PRELID2: variants seen among roughly 807,000 people sequenced by gnomAD.
PRELID2 encodes the protein PRELI domain-containing protein 2.
In PRELID2, 25 loss-of-function variants were observed where a neutral mutation model predicts 28.4. That is an observed-to-expected ratio of 0.88 (90% CI 0.64 to 1.23). PRELID2 has a LOEUF of 1.23. PRELID2 is among the 50% of genes most tolerant of loss of function. The pLI, the probability that PRELID2 is intolerant of heterozygous loss-of-function variation, is 0.00. For synonymous variants in PRELID2, 76 were observed against 71.6 expected, an observed-to-expected ratio of 1.06 and a Z score of -0.31; for missense variants, 201 against 214.4, an observed-to-expected ratio of 0.94 and a Z score of 0.39.
At chr5:145,370,590 G>C in the PRELID2 span, among the ~76,000 whole-genome samples, 1 of 152,028 alleles carries the variant, frequency 6.6e-6, no homozygotes, top group Non-Finnish European at 1.5e-5. Context: ...TCTTAGAATT[G>C]TCTTGGCTAT....
chr5:145,645,206 G>C (rs1754176133), intron 1 of PRELID2, among the ~76,000 whole-genome samples: 1 of 151,992 alleles, frequency 6.6e-6, no homozygotes, highest in Non-Finnish European at 1.5e-5. Context: ...CACCTCTATT[G>C]GGTGCATATA....
chr5:145,430,288 T>A, the PRELID2 span, among the ~76,000 whole-genome samples: 3 of 152,226 alleles, frequency 2.0e-5, no homozygotes, highest in Non-Finnish European at 4.4e-5. Context: ...TCTTTTGGTA[T>A]TTGTCAGAAT....
the PRELID2 span, among the ~76,000 whole-genome samples, chr5:145,282,474 C>A: frequency 6.6e-5 from 10 of 151,668 alleles, no homozygotes; most frequent in African/African-American, 2.2e-4. Flanking sequence ...GATACAGAAG[C>A]CAAACTGTAA....
At chr5:145,814,292 G>C (rs1163494997) in intron 4 of PRELID2, among the ~76,000 whole-genome samples, 1 of 152,166 alleles carries the variant, frequency 6.6e-6, no homozygotes, top group Non-Finnish European at 1.5e-5. Flanking sequence ...ACACGAAGTA[G>C]ATGAAATGAT....
At chr5:145,735,763 C>T (rs1366413846) in intron 1 of PRELID2, among the ~76,000 whole-genome samples, 6 of 152,142 alleles carry the variant, frequency 3.9e-5, no homozygotes, top group Non-Finnish European at 8.8e-5. Flanking sequence ...CATCTTCACA[C>T]GGTTGCTTTG....
chr5:145,709,034 C>T (rs1755620412), intron 1 of PRELID2, among the ~76,000 whole-genome samples: 1 of 152,204 alleles, frequency 6.6e-6, no homozygotes, highest in Non-Finnish European at 1.5e-5. Context: ...TGCTCCAGCC[C>T]TGATCCTATG....
At chr5:145,288,343 T>G in the PRELID2 span, among the ~76,000 whole-genome samples, 1 of 152,144 alleles carries the variant, frequency 6.6e-6, no homozygotes, top group Non-Finnish European at 1.5e-5. Flanking sequence ...CAATACTACT[T>G]TATTTTGTGA....
chr5:145,610,606 G>T (rs933152239), intron 1 of PRELID2, among the ~76,000 whole-genome samples: 4 of 152,170 alleles, frequency 2.6e-5, no homozygotes, highest in African/African-American at 9.7e-5. Flanking sequence ...TTGTCTTCTT[G>T]TTATGCACCA....
chr5:145,370,597 C>T, the PRELID2 span, among the ~76,000 whole-genome samples: 9 of 152,114 alleles, frequency 5.9e-5, no homozygotes, highest in African/African-American at 2.2e-4. Context: ...ATTGTCTTGG[C>T]TATATGGGGT....
intron 1 of PRELID2, among the ~76,000 whole-genome samples, chr5:145,585,091 G>C (rs1753141269): frequency 6.6e-6 from 1 of 151,994 alleles, no homozygotes; most frequent in Non-Finnish European, 1.5e-5. Context: ...TACACAATGG[G>C]ATACTATGCA....
chr5:145,569,408 T>C (rs1752998629), intron 1 of PRELID2, among the ~76,000 whole-genome samples: 1 of 152,238 alleles, frequency 6.6e-6, no homozygotes, highest in African/African-American at 2.4e-5. Flanking sequence ...ATTATGTTGC[T>C]AGGATTTTTA....
At chr5:145,669,982 C>T (rs1276195514) in intron 1 of PRELID2, among the ~76,000 whole-genome samples, 1 of 152,054 alleles carries the variant, frequency 6.6e-6, no homozygotes, top group Non-Finnish European at 1.5e-5. Flanking sequence ...TACTCACTGA[C>T]CAGTTTCATT....
chr5:145,382,317 AT>A, the PRELID2 span, among the ~76,000 whole-genome samples: 3 of 152,064 alleles, frequency 2.0e-5, no homozygotes, highest in African/African-American at 7.2e-5. Flanking sequence ...TTCCAAAAAA[AT>A]AAAAGTGATA....
At chr5:145,472,559 T>C (rs1349055905) in intron 2 of PRELID2, among the ~76,000 whole-genome samples, 2 of 152,086 alleles carry the variant, frequency 1.3e-5, no homozygotes, top group Non-Finnish European at 2.9e-5. Flanking sequence ...AAATAAATCT[T>C]TATCCACAAA....
At chr5:145,309,993 C>CAAACATTTGAAATCAT in the PRELID2 span, among the ~76,000 whole-genome samples, 2 of 152,156 alleles carry the variant, frequency 1.3e-5, no homozygotes, top group Admixed American at 6.6e-5. Flanking sequence ...ACAGGAAGGA[C>CAAACATTTGAAATCAT]AAACATTTGA....
chr5:145,585,996 C>T (rs945405845), intron 1 of PRELID2, among the ~76,000 whole-genome samples: 9 of 152,024 alleles, frequency 5.9e-5, no homozygotes, highest in Non-Finnish European at 1.3e-4. Flanking sequence ...ATCCCTGGAT[C>T]ATCCAGAGAT....
At chr5:145,550,564 A>T (rs913727308) in intron 1 of PRELID2, among the ~76,000 whole-genome samples, 2 of 152,152 alleles carry the variant, frequency 1.3e-5, no homozygotes, top group Non-Finnish European at 2.9e-5. Flanking sequence ...ACAGAGTGAG[A>T]CCTCATCTCT....
the PRELID2 span, among the ~76,000 whole-genome samples, chr5:145,286,643 T>G: frequency 2.6e-5 from 4 of 152,108 alleles, no homozygotes; most frequent in African/African-American, 7.2e-5. Flanking sequence ...ACTGGGAACT[T>G]ATTTCCAGCT....
At chr5:145,515,106 C>A (rs758283822) in intron 1 of PRELID2, among the ~76,000 whole-genome samples, 7 of 152,034 alleles carry the variant, frequency 4.6e-5, no homozygotes, top group Non-Finnish European at 8.8e-5. Context: ...ACTAGAGAAG[C>A]AAGAGCAAAC....
Sources: gnomAD v4.1 joint callset for allele counts (sites outside exome capture counted in the v4.1 genomes callset) on GRCh38, gnomAD v4.1.1 for gene constraint, MANE v1.5 for transcripts, NCBI Gene and HGNC (gene_info 2026-07-23, HGNC 2026-07-21) for gene names.